SLCO5A1: variants seen among roughly 807,000 people sequenced by gnomAD.
The protein encoded by SLCO5A1 is solute carrier organic anion transporter family member 5A1.
SLCO5A1 carries 39 observed loss-of-function variants against 65.1 expected under a neutral mutation model. That is an observed-to-expected ratio of 0.60 (90% CI 0.46 to 0.78). The LOEUF (loss-of-function observed/expected upper bound fraction) is 0.78, where lower values mean the gene tolerates loss of function less well. Ranked by LOEUF, SLCO5A1 falls within the 30% of genes least tolerant of loss-of-function variation. SLCO5A1 has a pLI of 0.00. For synonymous variants in SLCO5A1, 438 were observed against 415.7 expected (o/e 1.05, Z -0.65); for missense variants, 1,029 against 1,069.4 (o/e 0.96, Z 0.53).
chr8:69,730,824 TCTCA>T (rs1469095190), intron 5 of SLCO5A1, among the ~76,000 whole-genome samples: 1 of 152,130 alleles, frequency 6.6e-6, no homozygotes, highest in Non-Finnish European at 1.5e-5. Flanking sequence ...TTGTAACCAG[TCTCA>T]CTAAGACCCC....
intron 2 of SLCO5A1, among the ~76,000 whole-genome samples, chr8:69,793,358 C>CA (rs926153071): frequency 1.1e-3 from 166 of 148,748 alleles, no homozygotes; most frequent in African/African-American, 2.3e-3. Flanking sequence ...AATTTGGTAT[C>CA]AAAAAAAAAA....
At chr8:69,810,588 A>T (rs1266747679) in intron 2 of SLCO5A1, among the ~76,000 whole-genome samples, 1 of 152,224 alleles carries the variant, frequency 6.6e-6, no homozygotes, top group Non-Finnish European at 1.5e-5. Context: ...TCAACTTTTC[A>T]GGCAAAATAT....
At chr8:69,761,159 G>A (rs1291609578) in intron 3 of SLCO5A1, among the ~76,000 whole-genome samples, 5 of 152,304 alleles carry the variant, frequency 3.3e-5, no homozygotes, top group Admixed American at 1.3e-4. Flanking sequence ...CCTAAAGAAT[G>A]TGGATTAAGC....
At chr8:69,690,951 C>T (rs1398240216) in intron 6 of SLCO5A1, among the ~76,000 whole-genome samples, 1 of 152,184 alleles carries the variant, frequency 6.6e-6, no homozygotes, top group African/African-American at 2.4e-5. Context: ...CTAAGTGATT[C>T]ATCAGCACAT....
chr8:69,754,004 C>CAAAAAAAAAAAAAAA (rs71556780), intron 4 of SLCO5A1, among the ~76,000 whole-genome samples: 1 of 73,492 alleles, frequency 1.4e-5, no homozygotes, highest in Non-Finnish European at 2.7e-5. Context: ...TGACCTATCT[C>CAAAAAAAAAAAAAAA]AAAAAAAAAA....
intron 5 of SLCO5A1, among the ~76,000 whole-genome samples, chr8:69,712,212 G>A (rs1387555663): frequency 6.6e-6 from 1 of 152,110 alleles, no homozygotes; most frequent in Non-Finnish European, 1.5e-5. Flanking sequence ...CTTTCCAGCT[G>A]GAAATCTTTT....
At chr8:69,692,310 T>C (rs1294896977) in intron 6 of SLCO5A1, among the ~76,000 whole-genome samples, 2 of 152,140 alleles carry the variant, frequency 1.3e-5, no homozygotes, top group African/African-American at 2.4e-5. Flanking sequence ...TTATCATGAA[T>C]GGAGCCTGCA....
chr8:69,747,021 C>G (rs1264057070), intron 4 of SLCO5A1, among the ~76,000 whole-genome samples: 3 of 152,138 alleles, frequency 2.0e-5, no homozygotes, highest in African/African-American at 7.2e-5. Context: ...TTATAGCCCA[C>G]AGCCTGTGGA....
intron 5 of SLCO5A1, among the ~76,000 whole-genome samples, chr8:69,723,354 C>G (rs1318796637): frequency 6.6e-6 from 1 of 152,092 alleles, no homozygotes. Context: ...TGGGTTCAAG[C>G]AATCCTCCCA....
intron 4 of SLCO5A1, among the ~76,000 whole-genome samples, chr8:69,748,124 GA>G (rs1817119880): frequency 6.6e-6 from 1 of 152,058 alleles, no homozygotes; most frequent in South Asian, 2.1e-4. Flanking sequence ...TGCTTGCCTG[GA>G]AAAGACAGGA....
At chr8:69,731,879 C>T (rs1348914762) in intron 5 of SLCO5A1, among the ~76,000 whole-genome samples, 3 of 151,470 alleles carry the variant, frequency 2.0e-5, no homozygotes, top group East Asian at 3.9e-4. Flanking sequence ...CATCACCTGA[C>T]CTTGGAAATG....
intron 2 of SLCO5A1, among the ~76,000 whole-genome samples, chr8:69,819,079 C>T (rs1820524736): frequency 6.6e-6 from 1 of 152,138 alleles, no homozygotes. Context: ...ATTAAAGCAG[C>T]ATTTTAAAAT....
At chr8:69,811,631 A>G (rs1586825950) in intron 2 of SLCO5A1, among the ~76,000 whole-genome samples, 1 of 152,216 alleles carries the variant, frequency 6.6e-6, no homozygotes, top group African/African-American at 2.4e-5. Context: ...TGTGTGAGGC[A>G]GGCAACCCGC....
chr8:69,672,528 TGTTA>T lies in SLCO5A1; in HGVS notation c.*337_*340del. The T allele has an allele frequency of 4.2e-6, 1 of 237,448 alleles. No individual in the cohort carries two copies. 14.7% of individuals were successfully genotyped at this position (237,448 alleles called of 1,614,324 possible). On this transcript the variant is annotated 3_prime_UTR_variant, in exon 10 of 10. Transcript: ENST00000260126. ...TGGGCAAGCTCACCTTTGTTTGGAG[TGTTA>T]GTTAATGATATGCACCGCCATTCCC... is the stretch of plus-strand genomic sequence containing the variant.
intron 2 of SLCO5A1, among the ~76,000 whole-genome samples, chr8:69,814,120 C>T (rs144951893): frequency 6.6e-6 from 1 of 152,170 alleles, no homozygotes; most frequent in East Asian, 1.9e-4. Context: ...GACTACATGA[C>T]ATTGATCTTA....
intron 1 of SLCO5A1, chr8:69,834,360 G>GA (rs1401975680): frequency 6.6e-6 from 1 of 152,500 alleles, no homozygotes; most frequent in Non-Finnish European, 1.5e-5. Context: ...GCTGAGAAAA[G>GA]AAAGGAGGAA....
At chr8:69,731,586 C>T (rs1384691503) in intron 5 of SLCO5A1, among the ~76,000 whole-genome samples, 1 of 152,206 alleles carries the variant, frequency 6.6e-6, no homozygotes, top group East Asian at 1.9e-4. Context: ...AGTGTTCTGA[C>T]TTTTTGTCCA....
At position 69,673,085 on chromosome 8, in the gene SLCO5A1, C is replaced by T. The variant is rs1411429876; in HGVS notation, c.2331G>A (p.Leu777=). Residue 777 remains leucine (L), a synonymous_variant, in exon 10 of 10, where the codon CTG becomes CTA. Coordinates refer to ENST00000260126, the MANE Select transcript of SLCO5A1 (RefSeq NM_030958.3). ...LQRRRQREFP[L]STVSERVGHP... is the part of the protein sequence containing the mutation. The stretch of plus-strand genomic sequence containing the variant: ...GTCCCACTCTCTCACTCACGGTGCT[C>T]AGGGGAAATTCTCTCTGCCTCCGCC... 3 of 1,614,112 alleles carry T rather than the reference C, an allele frequency of 1.9e-6. No homozygotes were observed. Among genetic ancestry groups the T allele is most frequent in the African/African-American group, 1.3e-5 (1 of 74,934 alleles).
chr8:69,772,256 C>G (rs1472710246), intron 2 of SLCO5A1, among the ~76,000 whole-genome samples: 2 of 152,236 alleles, frequency 1.3e-5, no homozygotes, highest in East Asian at 3.9e-4. Context: ...AGAAATAATT[C>G]TGGCATATAA....
Sources: allele counts gnomAD v4.1 joint callset (sites outside exome capture counted in the v4.1 genomes callset), GRCh38; gene constraint gnomAD v4.1.1; transcripts MANE v1.5; gene names NCBI Gene and HGNC (gene_info 2026-07-23, HGNC 2026-07-21).